Variants in PLEKHA7 observed in about 807,000 individuals in gnomAD.
PLEKHA7 encodes the protein pleckstrin homology domain-containing family A member 7.
A neutral mutation model predicts 170.0 loss-of-function variants in PLEKHA7; 104 were observed. That is an observed-to-expected ratio of 0.61 (90% CI 0.52 to 0.72). The LOEUF (loss-of-function observed/expected upper bound fraction) is 0.72, where lower values mean the gene tolerates loss of function less well. PLEKHA7 is among the 30% of genes least tolerant of loss of function. The pLI, the probability that PLEKHA7 is intolerant of heterozygous loss-of-function variation, is 0.00. For missense variants in PLEKHA7, 1,615 were observed against 1,671.7 expected, an observed-to-expected ratio of 0.97 and a Z score of 0.59; for synonymous variants, 648 against 660.8, an observed-to-expected ratio of 0.98 and a Z score of 0.30.
intron 13 of PLEKHA7, among the ~76,000 whole-genome samples, chr11:16,805,801 A>C (rs216490): frequency 1.2e-4 from 16 of 135,240 alleles, no homozygotes; most frequent in East Asian, 1.1e-3. Flanking sequence ...AAAAAAAAAA[A>C]AAAAAACAAA....
intron 17 of PLEKHA7, among the ~76,000 whole-genome samples, chr11:16,798,302 T>C (rs1848370658): frequency 2.0e-5 from 3 of 152,152 alleles, no homozygotes; most frequent in African/African-American, 7.2e-5. Flanking sequence ...GCTTCCCAGG[T>C]TACTGTGCCA....
At chr11:16,947,443 T>A (rs937131066) in intron 3 of PLEKHA7, among the ~76,000 whole-genome samples, 7 of 151,628 alleles carry the variant, frequency 4.6e-5, no homozygotes, top group African/African-American at 1.7e-4. Context: ...ATACGAAAAT[T>A]AGCCAGGCAT....
At chr11:16,933,515 A>T (rs1278211673) in intron 3 of PLEKHA7, among the ~76,000 whole-genome samples, 1 of 152,184 alleles carries the variant, frequency 6.6e-6, no homozygotes, top group Non-Finnish European at 1.5e-5. Flanking sequence ...ATGACTGGAG[A>T]GAAGGAAAGA....
Position 16,789,010 on chromosome 11 carries a change from G to A in PLEKHA7, c.3357+86C>T. On this transcript the variant is annotated intron_variant, in intron 23 of 26. Transcript: ENST00000531066. This position sits in a 1 kb window ranked among gnomAD's most constrained non-coding sequence, Gnocchi z 4.6. ...GGTCAATGGACAGCTCTCTCACTGG[G>A]AGGTGTGATGTGCTTGTGTTTGGGG... is the stretch of plus-strand genomic sequence containing the variant. 3 of 1,458,882 alleles carry A rather than the reference G, an allele frequency of 2.1e-6. No homozygotes were observed. Among genetic ancestry groups the A allele is most frequent in the East Asian group, 2.4e-5 (1 of 41,024 alleles). 90.4% of individuals were successfully genotyped at this position (1,458,882 alleles called of 1,614,324 possible).
intron 3 of PLEKHA7, among the ~76,000 whole-genome samples, chr11:16,960,023 C>T (rs1861949500): frequency 6.6e-6 from 1 of 152,190 alleles, no homozygotes; most frequent in African/African-American, 2.4e-5. Context: ...AGGTCCTGCC[C>T]CCCAACCTCA....
At chr11:17,014,222 C>T in intron 1 of PLEKHA7, 21 bp from the exon 2 acceptor site, 1 of 1,497,650 alleles carries the variant, frequency 6.7e-7, no homozygotes, top group Non-Finnish European at 8.8e-7. Context: ...AGAGGTGCAC[C>T]TGTTAGCGCC....
At chr11:16,982,715 C>A (rs1863504639) in intron 3 of PLEKHA7, among the ~76,000 whole-genome samples, 1 of 151,670 alleles carries the variant, frequency 6.6e-6, no homozygotes, top group South Asian at 2.1e-4. Context: ...GCACAGGTGG[C>A]CCTCCATGCT....
intron 3 of PLEKHA7, among the ~76,000 whole-genome samples, chr11:16,875,134 T>G (rs1855176162): frequency 6.6e-6 from 1 of 152,230 alleles, no homozygotes; most frequent in Non-Finnish European, 1.5e-5. Flanking sequence ...GGATGCTGCC[T>G]TCTTTGCCAA....
chr11:16,853,506 C>T (rs1853160460), intron 6 of PLEKHA7, among the ~76,000 whole-genome samples: 1 of 152,162 alleles, frequency 6.6e-6, no homozygotes, highest in African/African-American at 2.4e-5. Flanking sequence ...TTCTGGACAC[C>T]CCCCAGTATA....
At chr11:16,845,236 C>G (rs1188264497) in intron 8 of PLEKHA7, among the ~76,000 whole-genome samples, 1 of 152,232 alleles carries the variant, frequency 6.6e-6, no homozygotes, top group East Asian at 1.9e-4. Context: ...GAGGGGAAAA[C>G]AGCATGAAGA....
chr11:16,858,637 C>T (rs1853676912), intron 4 of PLEKHA7, among the ~76,000 whole-genome samples: 2 of 152,106 alleles, frequency 1.3e-5, no homozygotes, highest in South Asian at 2.1e-4. Context: ...GGATTACAGG[C>T]ACATGCCACC....
chr11:16,789,533 C>T lies in PLEKHA7; in HGVS notation c.3157-237G>A. 1 of 615,530 alleles carries T rather than the reference C, an allele frequency of 1.6e-6. No homozygotes were observed. Among genetic ancestry groups the T allele is most frequent in the Non-Finnish European group, 2.8e-6 (1 of 350,924 alleles). The allele number at this position is 615,530 out of a possible 1,614,324, so 38.1% of individuals were successfully genotyped here. ...GCAGACACTTAGGCTCAGGCCTGTC[C>T]AGTGAGGCCAGAACCCAGGGTGCAG... On this transcript the variant is annotated intron_variant, in intron 22 of 26. Transcript: ENST00000531066. The surrounding 1 kb of genome is among the most constrained non-coding windows in gnomAD (Gnocchi z 4.6).
In PLEKHA7 at chr11:16,962,774, A is replaced by C. The variant is rs57416073; in HGVS notation, c.221+51215T>G. 9.0e-3 allele frequency among the ~76,000 whole-genome samples: 1,374 copies of C among 152,270 alleles called. 24 individuals are homozygous for C. Among genetic ancestry groups the C allele is most frequent in the African/African-American group, 0.031 (1,285 of 41,556 alleles). ...CTGCACCTGGCCCACAAGCACCTTG[A>C]TGTGGTCCTTTGGCAGCCTCCCCTG... is the stretch of plus-strand genomic sequence containing the variant. On this transcript the variant is annotated intron_variant, in intron 3 of 26. Transcript: ENST00000531066.
At chr11:16,898,412 GA>G (rs1371579006) in intron 3 of PLEKHA7, among the ~76,000 whole-genome samples, 1 of 152,166 alleles carries the variant, frequency 6.6e-6, no homozygotes, top group African/African-American at 2.4e-5. Flanking sequence ...GTGGCCTTTG[GA>G]AAGGAGCAGA....
At chr11:16,800,740 A>G (rs1358414603) in intron 17 of PLEKHA7, among the ~76,000 whole-genome samples, 1 of 152,174 alleles carries the variant, frequency 6.6e-6, no homozygotes, top group African/African-American at 2.4e-5. Context: ...CTTGTCTTTG[A>G]GAGCAGCAAG....
intron 10 of PLEKHA7, among the ~76,000 whole-genome samples, chr11:16,825,773 G>T (rs1309501051): frequency 6.6e-6 from 1 of 152,204 alleles, no homozygotes; most frequent in African/African-American, 2.4e-5. Context: ...AAAAGGAAAA[G>T]ATCGATTATC....
intron 9 of PLEKHA7, among the ~76,000 whole-genome samples, chr11:16,838,696 T>TC (rs1851717581): frequency 1.5e-5 from 2 of 130,976 alleles, no homozygotes; most frequent in African/African-American, 2.7e-5. Flanking sequence ...CAGTTTTCTT[T>TC]TTTTTTTTTT....
chr11:16,997,454 AG>A (rs1864408255), intron 3 of PLEKHA7, among the ~76,000 whole-genome samples: 1 of 152,152 alleles, frequency 6.6e-6, no homozygotes, highest in Admixed American at 6.5e-5. Flanking sequence ...CCATCTCTAG[AG>A]GGAGTCAAGT....
chr11:17,014,247 G>C (rs1477576613), intron 1 of PLEKHA7, 46 bp from the exon 2 acceptor site: 84 of 1,412,938 alleles, frequency 5.9e-5, no homozygotes, highest in Non-Finnish European at 7.3e-5. Flanking sequence ...CAGCCCGCCG[G>C]GTGCCCGCCC....
Sources: gnomAD v4.1 joint callset for allele counts (sites outside exome capture counted in the v4.1 genomes callset) on GRCh38, gnomAD v4.1.1 for gene constraint, Gnocchi (gnomAD v3.1) non-coding constraint, MANE v1.5 for transcripts, NCBI Gene and HGNC (gene_info 2026-07-23, HGNC 2026-07-21) for gene names.